The following GRID2 variants were observed in gnomAD, a reference collection of about 807,000 sequenced individuals.
GRID2 encodes the protein glutamate ionotropic receptor delta type subunit 2.
GRID2 carries 33 observed loss-of-function variants against 114.8 expected under a neutral mutation model. The observed-to-expected ratio is 0.29, with a 90% confidence interval of 0.22 to 0.38. The LOEUF is 0.38. Ranked by LOEUF, GRID2 falls within the 10% of genes least tolerant of loss-of-function variation. GRID2 has a pLI of 1.00. For synonymous variants in GRID2, 505 were observed against 449.9 expected (o/e 1.12, Z -1.55); for missense variants, 1,184 against 1,257.7 (o/e 0.94, Z 0.89).
chr4:93,285,112 C>T (rs1026911955), intron 8 of GRID2, among the ~76,000 whole-genome samples: 5 of 151,968 alleles, frequency 3.3e-5, no homozygotes, highest in African/African-American at 1.2e-4. Context: ...TAAAAGCAAC[C>T]TATGTTATTT....
intron 1 of GRID2, among the ~76,000 whole-genome samples, chr4:92,368,683 T>C (rs2110214074): frequency 6.6e-6 from 1 of 152,220 alleles, no homozygotes; most frequent in East Asian, 1.9e-4. Flanking sequence ...TTGGAGGTTG[T>C]ATTAGATGAC....
At chr4:92,579,042 T>C (rs1728047908) in intron 1 of GRID2, among the ~76,000 whole-genome samples, 1 of 152,146 alleles carries the variant, frequency 6.6e-6, no homozygotes, top group South Asian at 2.1e-4. Flanking sequence ...TAATCTGAAG[T>C]CTTAAGATAT....
At chr4:93,573,898 A>G (rs1447188712) in intron 13 of GRID2, among the ~76,000 whole-genome samples, 1 of 152,170 alleles carries the variant, frequency 6.6e-6, no homozygotes, top group African/African-American at 2.4e-5. Flanking sequence ...ACAACTTATT[A>G]GCTAAACTTA....
intron 8 of GRID2, among the ~76,000 whole-genome samples, chr4:93,264,418 T>C (rs1302541454): frequency 6.6e-6 from 1 of 152,072 alleles, no homozygotes; most frequent in Non-Finnish European, 1.5e-5. Flanking sequence ...CCCTTGAAGT[T>C]TTAAACAATG....
chr4:93,394,239 A>G (rs1389662941), intron 8 of GRID2, among the ~76,000 whole-genome samples: 1 of 151,988 alleles, frequency 6.6e-6, no homozygotes, highest in African/African-American at 2.4e-5. Context: ...TGCTAATTGG[A>G]TCTAAGTTCT....
intron 1 of GRID2, among the ~76,000 whole-genome samples, chr4:92,324,344 A>T (rs1261968616): frequency 6.6e-6 from 1 of 151,688 alleles, no homozygotes; most frequent in African/African-American, 2.4e-5. Flanking sequence ...TCAGATTGGA[A>T]CTCTTTTCTT....
intron 2 of GRID2, among the ~76,000 whole-genome samples, chr4:92,745,323 G>C (rs7693337): frequency 0.2 from 30,904 of 152,094 alleles, 3,883 homozygotes; most frequent in African/African-American, 0.35. Flanking sequence ...ATTTGATTTA[G>C]AGTATTTCCC....
chr4:93,684,534 A>G (rs1009298422), intron 14 of GRID2, among the ~76,000 whole-genome samples: 1 of 152,114 alleles, frequency 6.6e-6, no homozygotes, highest in East Asian at 1.9e-4. Flanking sequence ...ATGCTAAATT[A>G]ATGAGTTTGA....
chr4:93,516,568 G>A lies in GRID2; in HGVS notation c.2193+1157G>A, dbSNP rs1239305161. Among the ~76,000 whole-genome samples, 7 of 152,112 alleles carry A rather than the reference G, an allele frequency of 4.6e-5. 1 individual carries two copies. The highest frequency in any genetic ancestry group is 4.6e-4 in the Admixed American group (7 of 15,248). On this transcript the variant is annotated intron_variant, in intron 13 of 15. Coordinates refer to ENST00000282020, the MANE Select transcript of GRID2 (RefSeq NM_001510.4). ...ATTATACCCCATTTTCTGGGGCTCAGTTATTGATTCTAAAATATTTCTTGG... is the reference window on the plus strand; with the variant it reads ...ATTATACCCCATTTTCTGGGGCTCAATTATTGATTCTAAAATATTTCTTGG...
At chr4:93,297,751 T>C (rs1350611657) in intron 8 of GRID2, among the ~76,000 whole-genome samples, 1 of 152,226 alleles carries the variant, frequency 6.6e-6, no homozygotes. Flanking sequence ...AAATATCTTT[T>C]CTTCAGGTTT....
intron 2 of GRID2, among the ~76,000 whole-genome samples, chr4:92,985,171 C>A (rs1195466151): frequency 6.6e-6 from 1 of 151,390 alleles, no homozygotes; most frequent in Non-Finnish European, 1.5e-5. Flanking sequence ...TGGTTTTTGC[C>A]AAATGATATT....
At chr4:93,727,313 G>A (rs185580660) in intron 14 of GRID2, among the ~76,000 whole-genome samples, 5,291 of 152,268 alleles carry the variant, frequency 0.035, 145 homozygotes, top group Non-Finnish European at 0.053. Flanking sequence ...TGTTGAACCA[G>A]CCTTGCATCC....
intron 8 of GRID2, among the ~76,000 whole-genome samples, chr4:93,348,924 C>T (rs1760509567): frequency 1.3e-5 from 2 of 152,158 alleles, no homozygotes; most frequent in Non-Finnish European, 1.5e-5. Context: ...ATAATGGGTA[C>T]TCAGCAGACC....
chr4:93,054,731 A>AT lies in GRID2; in HGVS notation c.245-30263dup, dbSNP rs1235660653. Among the ~76,000 whole-genome samples the AT allele has an allele frequency of 3.3e-5, 5 of 152,064 alleles. No individual in the cohort carries two copies. In the South Asian group the frequency reaches 8.3e-4, roughly 25 times the overall value. On this transcript the variant is annotated intron_variant, in intron 2 of 15. Transcript: ENST00000282020. ...TGTTAAGATGGTGTTTTCAAAGAAGATAAAAATGCATTTTGAATATGGAAA... is the reference window on the plus strand; with the variant it reads ...TGTTAAGATGGTGTTTTCAAAGAAGATTAAAAATGCATTTTGAATATGGAAA...
intron 2 of GRID2, among the ~76,000 whole-genome samples, chr4:92,630,337 G>A (rs1260268705): frequency 6.6e-6 from 1 of 152,120 alleles, no homozygotes; most frequent in African/African-American, 2.4e-5. Flanking sequence ...AGAGTACTTA[G>A]ATTCAACTTC....
chr4:93,153,489 C>T (rs1736906679), intron 4 of GRID2, among the ~76,000 whole-genome samples: 1 of 152,010 alleles, frequency 6.6e-6, no homozygotes. Context: ...TCATCCTTTT[C>T]CTAAGCATGG....
At chr4:92,493,060 C>A (rs1013458162) in intron 1 of GRID2, among the ~76,000 whole-genome samples, 1 of 142,254 alleles carries the variant, frequency 7.0e-6, no homozygotes, top group Non-Finnish European at 1.5e-5. Flanking sequence ...ACCCTGGAGG[C>A]AGAGTTTGCA....
rs552472097 is a variant in GRID2, at chr4:93,129,819, T to A, written c.735+18866T>A. On this transcript the variant is annotated intron_variant, in intron 4 of 15. Coordinates refer to ENST00000282020, the MANE Select transcript of GRID2 (RefSeq NM_001510.4). The stretch of plus-strand genomic sequence containing the variant: ...TCATGTCTCCATTTAGACCTTAAAT[T>A]AGAACTTACAACAAATTTGGGGTGT... 2.2e-3 allele frequency among the ~76,000 whole-genome samples: 341 copies of A among 152,258 alleles called. 4 individuals carry two copies. Among genetic ancestry groups the A allele is most frequent in the African/African-American group, 7.6e-3 (317 of 41,534 alleles).
At chr4:93,221,967 T>G (rs1744931248) in intron 6 of GRID2, among the ~76,000 whole-genome samples, 1 of 152,136 alleles carries the variant, frequency 6.6e-6, no homozygotes, top group African/African-American at 2.4e-5. Flanking sequence ...CAGTGTCAGG[T>G]TTGGATAGAA....
Sources: allele counts gnomAD v4.1 joint callset (sites outside exome capture counted in the v4.1 genomes callset), GRCh38; gene constraint gnomAD v4.1.1; transcripts MANE v1.5; gene names NCBI Gene and HGNC (gene_info 2026-07-23, HGNC 2026-07-21).